SRC: variants seen among roughly 807,000 people sequenced by gnomAD.
SRC encodes the protein proto-oncogene tyrosine-protein kinase Src.
A neutral mutation model predicts 62.9 loss-of-function variants in SRC; 13 were observed. The observed-to-expected ratio is 0.21, with a 90% CI of 0.13 to 0.33. SRC has a LOEUF of 0.33. SRC is among the 10% of genes least tolerant of loss of function. The pLI is 1.00. For missense variants in SRC, 457 were observed against 737.3 expected, an observed-to-expected ratio of 0.62 and a Z score of 4.40; for synonymous variants, 302 against 317.5, an observed-to-expected ratio of 0.95 and a Z score of 0.52.
chr20:37,386,267 C>T (rs2070453829), intron 5 of SRC, 93 bp downstream of exon 5: 2 of 1,235,838 alleles, frequency 1.6e-6, no homozygotes, highest in East Asian at 2.3e-5. Context: ...CAGGGCAGCA[C>T]AGTGCAGAGC....
In SRC at chr20:37,362,696, C is replaced by T. The variant is rs545229338; in HGVS notation, c.-246-2508C>T. On this transcript the variant is annotated intron_variant, in intron 1 of 13. Transcript: ENST00000373578. ...CTGCCCTACCCACCCCGTTACGGGG[C>T]GGCCTGGTGACAGACTCTGGGATGG... Among the ~76,000 whole-genome samples, 225 of 142,572 alleles carry T rather than the reference C, an allele frequency of 1.6e-3. 2 individuals carry two copies. The highest frequency in any genetic ancestry group is 5.2e-3 in the African/African-American group (209 of 40,058). 93.5% of individuals were successfully genotyped at this position (142,572 alleles called of 152,430 possible).
At position 37,384,837 on chromosome 20, in the gene SRC, G is replaced by T. The variant is rs144151571; in HGVS notation, c.250+434G>T. ...ACCGGATGGCCCCGGTTGGGCCCGC[G>T]CCAGGATGCGCCCCTGCGCCCTCTG... On this transcript the variant is annotated intron_variant, in intron 4 of 13. Transcript: ENST00000373578. The surrounding 1 kb of genome is among the most constrained non-coding windows in gnomAD (Gnocchi z 6.7). Among the ~76,000 whole-genome samples the T allele has an allele frequency of 0.016, 2,364 of 152,316 alleles. 57 individuals are homozygous for T. The highest frequency in any genetic ancestry group is 0.054 in the African/African-American group (2,226 of 41,570).
rs532658311 is a variant in SRC at position 37,351,097 on chromosome 20, C to T, written c.-247+4842C>T. On this transcript the variant is annotated intron_variant, in intron 1 of 13. Coordinates refer to ENST00000373578, the MANE Select transcript of SRC (RefSeq NM_198291.3). The surrounding 1 kb of genome is among the most constrained non-coding windows in gnomAD (Gnocchi z 4.4). ...TAAGGCTGAGTCAGGGATAGATGAC[C>T]GGGGAGGATCTCAGAGCTGGGAGCC... Among the ~76,000 whole-genome samples, 12 of 152,284 alleles carry T rather than the reference C, an allele frequency of 7.9e-5. No homozygotes were observed. The highest frequency in any genetic ancestry group is 2.2e-4 in the African/African-American group (9 of 41,570).
chr20:37,372,861 T>C (rs535858700), intron 2 of SRC, among the ~76,000 whole-genome samples: 1 of 152,290 alleles, frequency 6.6e-6, no homozygotes, highest in South Asian at 2.1e-4. Flanking sequence ...TCTTTGTTTG[T>C]CCTTTGAACT....
At chr20:37,346,426 A>G (rs2069722039) in intron 1 of SRC, among the ~76,000 whole-genome samples, 171 bp downstream of exon 1, 1 of 143,188 alleles carries the variant, frequency 7.0e-6, no homozygotes, top group Non-Finnish European at 1.5e-5. Flanking sequence ...GGGCGGGCGC[A>G]CGGGGCCATG....
intron 5 of SRC, among the ~76,000 whole-genome samples, chr20:37,388,970 G>T (rs944201154): frequency 6.6e-6 from 1 of 152,124 alleles, no homozygotes; most frequent in Non-Finnish European, 1.5e-5. Flanking sequence ...CTGTAAGAGT[G>T]GGGGGCTTTC....
chr20:37,357,266 C>A (rs1001866483), intron 1 of SRC, among the ~76,000 whole-genome samples: 1 of 152,232 alleles, frequency 6.6e-6, no homozygotes, highest in Non-Finnish European at 1.5e-5. Flanking sequence ...AAACGAAAGT[C>A]GGGCTGTGCA....
At chr20:37,358,557 A>T (rs1214531439) in intron 1 of SRC, among the ~76,000 whole-genome samples, 2 of 152,172 alleles carry the variant, frequency 1.3e-5, no homozygotes, top group Non-Finnish European at 2.9e-5. Context: ...GGCGCCACCC[A>T]CTTCCAGGCA....
At chr20:37,356,291 G>A (rs549722416) in intron 1 of SRC, among the ~76,000 whole-genome samples, 1 of 152,240 alleles carries the variant, frequency 6.6e-6, no homozygotes, top group South Asian at 2.1e-4. Flanking sequence ...CTTGACTTGG[G>A]TCAGTTGGCT....
intron 2 of SRC, among the ~76,000 whole-genome samples, chr20:37,373,267 C>T (rs879741909): frequency 3.2e-4 from 30 of 93,590 alleles, no homozygotes; most frequent in East Asian, 1.6e-3. Flanking sequence ...CATGTACATA[C>T]GCACACACAC....
chr20:37,394,673 A>C (rs1320241266), intron 7 of SRC, among the ~76,000 whole-genome samples: 1 of 151,984 alleles, frequency 6.6e-6, no homozygotes, highest in Non-Finnish European at 1.5e-5. Context: ...CCCCAACTGC[A>C]GTCCTGGTCC....
chr20:37,370,963 TTTCTTC>T (rs536060536), intron 2 of SRC, among the ~76,000 whole-genome samples: 1,838 of 147,244 alleles, frequency 0.012, 39 homozygotes, highest in African/African-American at 0.023. Flanking sequence ...GAATTTTCTA[TTTCTTC>T]TTCTTCTTCT....
At chr20:37,377,015 T>C (rs1426594854) in intron 2 of SRC, among the ~76,000 whole-genome samples, 4 of 152,240 alleles carry the variant, frequency 2.6e-5, no homozygotes, top group Non-Finnish European at 4.4e-5. Flanking sequence ...CTGTGTGGCC[T>C]TGGACAAGGT....
intron 5 of SRC, 30 bp from the exon 6 acceptor site, chr20:37,393,865 C>G (rs1326180114): frequency 6.4e-7 from 1 of 1,568,602 alleles, no homozygotes; most frequent in Non-Finnish European, 8.8e-7. Flanking sequence ...GCTCCCTTCT[C>G]CTTTCCTCCC....
At chr20:37,357,884 G>T (rs943516650) in intron 1 of SRC, among the ~76,000 whole-genome samples, 2 of 152,330 alleles carry the variant, frequency 1.3e-5, no homozygotes, top group South Asian at 2.1e-4. Context: ...AGGTGCAAAG[G>T]CCCTGAGGCA....
At chr20:37,358,904 C>T (rs894463047) in intron 1 of SRC, among the ~76,000 whole-genome samples, 2 of 152,280 alleles carry the variant, frequency 1.3e-5, no homozygotes, top group African/African-American at 4.8e-5. Context: ...AGCATGTTCG[C>T]GCCGCGGACA....
At chr20:37,356,671 G>A (rs1330188911) in intron 1 of SRC, among the ~76,000 whole-genome samples, 1 of 152,222 alleles carries the variant, frequency 6.6e-6, no homozygotes, top group Non-Finnish European at 1.5e-5. Context: ...AGGGCTCTGG[G>A]GTTAGGGCCC....
At chr20:37,354,996 G>A (rs6094425) in intron 1 of SRC, among the ~76,000 whole-genome samples, 20,508 of 152,192 alleles carry the variant, frequency 0.13, 1,620 homozygotes, top group Middle Eastern at 0.22. Context: ...GGAGGGGCGA[G>A]CAGCATCCTG....
At chr20:37,386,237 G>T (rs1421212345) in intron 5 of SRC, 63 bp downstream of exon 5, 2 of 1,468,200 alleles carry the variant, frequency 1.4e-6, no homozygotes, top group Admixed American at 1.7e-5. Flanking sequence ...GCGGGCAGGG[G>T]CTCATGCAGG....
Sources: allele counts gnomAD v4.1 joint callset (sites outside exome capture counted in the v4.1 genomes callset), GRCh38; gene constraint gnomAD v4.1.1; non-coding constraint Gnocchi (gnomAD v3.1); transcripts MANE v1.5; gene names NCBI Gene and HGNC (gene_info 2026-07-23, HGNC 2026-07-21).